Variants in PLPPR1 observed in about 807,000 individuals in gnomAD.
PLPPR1 encodes the protein phospholipid phosphatase-related protein type 1.
A neutral mutation model predicts 33.1 loss-of-function variants in PLPPR1; 10 were observed. The ratio of observed to expected loss-of-function variants is 0.30; its 90% CI spans 0.19 to 0.51. PLPPR1 has a LOEUF of 0.51. Among genes scored for constraint, PLPPR1 ranks in the 20% least tolerant of loss-of-function variants. The pLI is 0.97. For missense variants in PLPPR1, 304 were observed against 408.1 expected, an observed-to-expected ratio of 0.74 and a Z score of 2.20; for synonymous variants, 151 against 151.0, an observed-to-expected ratio of 1.00 and a Z score of 0.00.
chr9:101,287,587 G>T lies in PLPPR1; in HGVS notation c.385+1351G>T, dbSNP rs183139874. 1.8e-4 allele frequency among the ~76,000 whole-genome samples: 28 copies of T among 152,264 alleles called. No homozygotes were observed. The East Asian group carries it at 5.0e-3, about 27-fold the overall frequency. ...ACGACCTCGGCTCACTGCAACCTCC[G>T]TCTGCCAGGTTCAAGCGATTCTCCT... On this transcript the variant is annotated intron_variant, in intron 4 of 7. Transcript: ENST00000374874.
At chr9:101,195,124 G>A (rs1022821694) in intron 2 of PLPPR1, among the ~76,000 whole-genome samples, 18 of 152,054 alleles carry the variant, frequency 1.2e-4, no homozygotes, top group Non-Finnish European at 2.4e-4. Context: ...AGCTTTTACG[G>A]TCACTCTGGT....
chr9:101,234,343 TA>T (rs1164532383), intron 2 of PLPPR1, among the ~76,000 whole-genome samples: 2 of 151,916 alleles, frequency 1.3e-5, no homozygotes, highest in African/African-American at 4.8e-5. Context: ...ATTTTAGTTC[TA>T]AAAAGTTTTC....
At chr9:101,314,602 TAAAA>T (rs200723396) in intron 6 of PLPPR1, among the ~76,000 whole-genome samples, 6 of 141,434 alleles carry the variant, frequency 4.2e-5, no homozygotes, top group African/African-American at 1.6e-4. Context: ...GCATTATGTC[TAAAA>T]AAAAAAAAAC....
At position 101,317,493 on chromosome 9, in the gene PLPPR1, A is replaced by G. The variant is rs138475054; in HGVS notation, c.942A>G (p.Ala314=). The G allele has an allele frequency of 7.3e-4, 1,170 of 1,613,594 alleles. 5 individuals carry two copies. The African/African-American group carries it at 0.014, about 19-fold the overall frequency. ...RIESPLETLS[A]QNHSASMTEV... ...AAAGCCCTCTGGAAACCTTAAGTGC[A>G]CAGGTATGGTAAAGCAGTTTTAGCA... Residue 314 remains alanine, a synonymous_variant, in exon 7 of 8, where the codon GCA becomes GCG. Coordinates refer to ENST00000374874, the MANE Select transcript of PLPPR1 (RefSeq NM_207299.2).
At chr9:101,247,743 G>A (rs974772281) in intron 2 of PLPPR1, among the ~76,000 whole-genome samples, 3 of 151,948 alleles carry the variant, frequency 2.0e-5, no homozygotes, top group East Asian at 1.9e-4. Flanking sequence ...AGTCTGGAGC[G>A]CTGATTTTTC....
chr9:101,313,401 C>T (rs969739015), intron 6 of PLPPR1, among the ~76,000 whole-genome samples: 1 of 152,194 alleles, frequency 6.6e-6, no homozygotes, highest in Non-Finnish European at 1.5e-5. Context: ...AGCCTCTTCT[C>T]CAGCATCCCA....
chr9:101,288,353 T>TATAA (rs1828430709), intron 4 of PLPPR1, among the ~76,000 whole-genome samples: 1 of 152,150 alleles, frequency 6.6e-6, no homozygotes, highest in East Asian at 1.9e-4. Context: ...ATTAGTCCGT[T>TATAA]TGGGTCTGTC....
At chr9:101,041,397 G>A (rs576617749) in intron 1 of PLPPR1, among the ~76,000 whole-genome samples, 14 of 152,232 alleles carry the variant, frequency 9.2e-5, no homozygotes, top group African/African-American at 2.9e-4. Flanking sequence ...AACAAAATAA[G>A]CAAATGCGAC....
intron 6 of PLPPR1, 30 bp downstream of exon 6, chr9:101,313,004 C>T (rs1248164929): frequency 1.2e-6 from 2 of 1,608,516 alleles, no homozygotes; most frequent in East Asian, 2.2e-5. Flanking sequence ...TTTACCTTTT[C>T]CCCCTCTTCT....
chr9:101,067,453 AATAT>A (rs1554723455), intron 1 of PLPPR1, among the ~76,000 whole-genome samples: 1 of 152,046 alleles, frequency 6.6e-6, no homozygotes, highest in Non-Finnish European at 1.5e-5. Flanking sequence ...ATGGTTAAAA[AATAT>A]ATATAATCAA....
chr9:101,037,173 T>C (rs1830020103), intron 1 of PLPPR1, among the ~76,000 whole-genome samples: 1 of 152,094 alleles, frequency 6.6e-6, no homozygotes. Context: ...ACATTTATCT[T>C]TTTCCATTCA....
chr9:101,274,086 T>C lies in PLPPR1; in HGVS notation c.252+4018T>C, dbSNP rs868762870. Among the ~76,000 whole-genome samples, 2 of 152,324 alleles carry C rather than the reference T, an allele frequency of 1.3e-5. 1 individual carries two copies. The highest frequency in any genetic ancestry group is 4.1e-4 in the South Asian group (2 of 4,828). On this transcript the variant is annotated intron_variant, in intron 3 of 7. Coordinates refer to ENST00000374874, the MANE Select transcript of PLPPR1 (RefSeq NM_207299.2). ...GTACAACTGCTCCCATGGAAGTCAA[T>C]GTGATTTGGTCAGTGGACAGAGCAT...
intron 1 of PLPPR1, among the ~76,000 whole-genome samples, chr9:101,154,583 A>G (rs1831649120): frequency 6.6e-6 from 1 of 152,126 alleles, no homozygotes. Flanking sequence ...AACTAGAAAT[A>G]TCATTTGACC....
At chr9:101,153,855 C>T (rs1174208380) in intron 1 of PLPPR1, among the ~76,000 whole-genome samples, 1 of 151,788 alleles carries the variant, frequency 6.6e-6, no homozygotes, top group Non-Finnish European at 1.5e-5. Flanking sequence ...AGTGCTGGGA[C>T]TACAGGCGTG....
chr9:101,182,210 G>C (rs1481017424), intron 1 of PLPPR1, among the ~76,000 whole-genome samples: 1 of 151,610 alleles, frequency 6.6e-6, no homozygotes, highest in Non-Finnish European at 1.5e-5. Context: ...TAGAAATAGT[G>C]AGTAGAATGA....
intron 1 of PLPPR1, among the ~76,000 whole-genome samples, chr9:101,059,058 CT>C (rs1441315717): frequency 6.6e-6 from 1 of 152,072 alleles, no homozygotes; most frequent in Non-Finnish European, 1.5e-5. Context: ...TGTGAAATAA[CT>C]TTTTGGTCTG....
intron 2 of PLPPR1, among the ~76,000 whole-genome samples, chr9:101,211,871 G>T (rs1009927151): frequency 6.6e-6 from 1 of 152,108 alleles, no homozygotes; most frequent in African/African-American, 2.4e-5. Context: ...TTTAATCCTT[G>T]TAACAAGCCT....
intron 1 of PLPPR1, among the ~76,000 whole-genome samples, chr9:101,158,470 C>A (rs976442689): frequency 5.9e-5 from 9 of 152,074 alleles, no homozygotes; most frequent in Admixed American, 1.3e-4. Flanking sequence ...AAAGCAGATA[C>A]AAATAGTTTC....
At chr9:101,134,023 GA>G (rs1831348168) in intron 1 of PLPPR1, among the ~76,000 whole-genome samples, 1 of 152,190 alleles carries the variant, frequency 6.6e-6, no homozygotes, top group African/African-American at 2.4e-5. Flanking sequence ...CTGGCTCATG[GA>G]AAGCATTCAA....
Sources: allele counts gnomAD v4.1 joint callset (sites outside exome capture counted in the v4.1 genomes callset), GRCh38; gene constraint gnomAD v4.1.1; transcripts MANE v1.5; gene names NCBI Gene and HGNC (gene_info 2026-07-23, HGNC 2026-07-21).